TLL2: variants seen among roughly 807,000 people sequenced by gnomAD.
TLL2 encodes tolloid like 2, also known as tolloid-like protein 2.
In TLL2, 106 loss-of-function variants were observed where a neutral mutation model predicts 123.0. The ratio of observed to expected loss-of-function variants is 0.86; its 90% CI spans 0.74 to 1.01. The LOEUF (loss-of-function observed/expected upper bound fraction) is 1.01. Ranked by LOEUF, TLL2 falls within the 50% of genes least tolerant of loss-of-function variation. TLL2 has a pLI of 0.00. For missense variants in TLL2, 1,332 were observed against 1,336.7 expected (o/e 1.00, Z 0.06); for synonymous variants, 494 against 516.8 (o/e 0.96, Z 0.60).
intron 13 of TLL2, among the ~76,000 whole-genome samples, chr10:96,393,017 T>C (rs1439481178): frequency 6.6e-6 from 1 of 152,144 alleles, no homozygotes; most frequent in African/African-American, 2.4e-5. Flanking sequence ...GGCATGAGAA[T>C]GACACACTGG....
chr10:96,513,911 C>A lies in TLL2; in HGVS notation c.-226G>T, dbSNP rs1232113020. On this transcript the variant is annotated 5_prime_UTR_variant, in exon 1 of 21. Transcript: ENST00000357947. ...GCTACTTGCCCGGCGGCCGAGGCTG[C>A]GGCGGCTGCGAGTGTGGCGGTGGCG... 2 of 504,802 alleles carry A rather than the reference C, an allele frequency of 4.0e-6. No homozygotes were observed. Among genetic ancestry groups the A allele is most frequent in the South Asian group, 3.4e-5 (1 of 29,788 alleles). The allele number at this position is 504,802 out of a possible 1,614,324, so 31.3% of individuals were successfully genotyped here. A position where few individuals can be genotyped will look rare whatever the true frequency, so the allele number is the denominator to read the frequency against.
At chr10:96,489,786 T>C (rs1037657151) in intron 1 of TLL2, among the ~76,000 whole-genome samples, 4 of 152,084 alleles carry the variant, frequency 2.6e-5, no homozygotes, top group Non-Finnish European at 5.9e-5. Context: ...TAAAATAATG[T>C]AAAAATTCTA....
At chr10:96,414,926 T>C (rs1846539428) in intron 7 of TLL2, among the ~76,000 whole-genome samples, 1 of 152,070 alleles carries the variant, frequency 6.6e-6, no homozygotes, top group African/African-American at 2.4e-5. Flanking sequence ...ACCATTGCCA[T>C]AGCTCAAGTG....
chr10:96,476,240 A>ATATTTTTTTTTTT, intron 2 of TLL2, among the ~76,000 whole-genome samples: 4 of 20,484 alleles, frequency 2.0e-4, no homozygotes, highest in South Asian at 1.7e-3. Context: ...ATATATATAT[A>ATATTTTTTTTTTT]TTTTATTTTT....
At chr10:96,389,148 C>T (rs912495933) in intron 13 of TLL2, among the ~76,000 whole-genome samples, 2 of 152,102 alleles carry the variant, frequency 1.3e-5, no homozygotes, top group Admixed American at 6.5e-5. Context: ...GTGAGTCAGA[C>T]CTGGGGTGGA....
At chr10:96,408,869 A>G (rs1016961418) in intron 9 of TLL2, among the ~76,000 whole-genome samples, 1 of 152,208 alleles carries the variant, frequency 6.6e-6, no homozygotes, top group Admixed American at 6.5e-5. Flanking sequence ...ACAAACTTAG[A>G]AGCCTTGGGC....
chr10:96,474,842 A>T (rs1847221724), intron 2 of TLL2, among the ~76,000 whole-genome samples: 1 of 152,086 alleles, frequency 6.6e-6, no homozygotes, highest in Non-Finnish European at 1.5e-5. Flanking sequence ...CTAGGGGAGA[A>T]TCCACCTTTG....
In TLL2 at chr10:96,373,633, T is replaced by C; in HGVS notation, c.2625A>G (p.Ser875=). The change falls in exon 19 of 21, where the codon TCA becomes TCG. Residue 875 remains serine, a synonymous_variant. Transcript: ENST00000357947. ...CTGCCTGGAAGCCTTTCCTCTGCAC[T>C]GAGGCATCCGAATAAAACCTGAGAA... ...SMFLRFYSDA[S]VQRKGFQAVH... 3.1e-6 allele frequency: 5 copies of C among 1,614,266 alleles called. No homozygotes were observed. The highest frequency in any genetic ancestry group is 4.2e-6 in the Non-Finnish European group (5 of 1,180,048).
At position 96,376,768 on chromosome 10, in the gene TLL2, T is replaced by G; in HGVS notation, c.2372A>C (p.Asn791Thr). 1 of 1,597,110 alleles carries G rather than the reference T, an allele frequency of 6.3e-7. No individual in the cohort carries two copies. Among genetic ancestry groups the G allele is most frequent in the Non-Finnish European group, 8.5e-7 (1 of 1,172,928 alleles). The change falls in exon 18 of 21, where the codon AAC becomes ACC. Residue 791 changes from asparagine (N) to threonine (T), a missense_variant. Transcript: ENST00000357947. ...CCGGCTGGGGTATTTGTCAGGCCAG[T>G]TGGGGCTCGCCAGGGTCCCCTCCAC... ...SSVEGTLASP[N>T]WPDKYPSRRE...
At chr10:96,414,542 C>T (rs1262454287) in intron 7 of TLL2, among the ~76,000 whole-genome samples, 1 of 151,918 alleles carries the variant, frequency 6.6e-6, no homozygotes, top group African/African-American at 2.4e-5. Context: ...AGTGATGCCC[C>T]TTGGGTTTCT....
chr10:96,385,946 A>G, intron 15 of TLL2, 109 bp downstream of exon 15: 1 of 1,221,402 alleles, frequency 8.2e-7, no homozygotes. Flanking sequence ...GACTGTCCAA[A>G]GCTTCAGTCA....
rs76896493 is a variant in TLL2 at position 96,428,393 on chromosome 10, T to C, written c.638+238A>G. 2.0e-4 allele frequency among the ~76,000 whole-genome samples: 30 copies of C among 152,310 alleles called. 1 individual carries two copies. Among genetic ancestry groups the C allele is most frequent in the African/African-American group, 7.2e-4 (30 of 41,568 alleles). ...CTTCACATGACACACCACCAGTTCC[T>C]TCTGTTGCTCTTCTAGTGCCAGTAC... On this transcript the variant is annotated intron_variant, in intron 5 of 20. Transcript: ENST00000357947.
At chr10:96,470,394 A>T (rs963864012) in intron 2 of TLL2, among the ~76,000 whole-genome samples, 4 of 152,214 alleles carry the variant, frequency 2.6e-5, no homozygotes, top group Non-Finnish European at 5.9e-5. Context: ...TTTGTCTGAC[A>T]CCACTGATGT....
chr10:96,480,700 G>A (rs55648508), intron 1 of TLL2, among the ~76,000 whole-genome samples: 1 of 152,156 alleles, frequency 6.6e-6, no homozygotes, highest in Non-Finnish European at 1.5e-5. Flanking sequence ...AAGTCTGTAA[G>A]GTATTTTGAA....
At chr10:96,383,922 C>T (rs1306166076) in intron 16 of TLL2, among the ~76,000 whole-genome samples, 4 of 152,100 alleles carry the variant, frequency 2.6e-5, no homozygotes, top group Admixed American at 6.5e-5. Context: ...TGAGCCACCA[C>T]GCCCGGCCTA....
rs768082023 is a variant in TLL2 at position 96,384,599 on chromosome 10, G to A, written c.2182C>T (p.His728Tyr). Residue 728 changes from histidine to tyrosine, a missense_variant, in exon 16 of 21, where the codon CAC becomes TAC. Coordinates refer to ENST00000357947, the MANE Select transcript of TLL2 (RefSeq NM_012465.4). ...NTVSKRGFRAHFFSDKDECAK... is the reference protein window; with the variant it reads ...NTVSKRGFRAYFFSDKDECAK... ...TGAACCCGCATACCTGAGAAGAAGT[G>A]GGCCCTGAAGCCGCGCTTGGAGACG... The A allele has an allele frequency of 6.3e-7, 1 of 1,593,392 alleles. No individual in the cohort carries two copies. The highest frequency in any genetic ancestry group is 2.3e-5 in the East Asian group (1 of 43,902).
chr10:96,498,065 T>A (rs545932489), intron 1 of TLL2, among the ~76,000 whole-genome samples: 109 of 152,316 alleles, frequency 7.2e-4, no homozygotes, highest in African/African-American at 2.6e-3. Context: ...TAATTTTACA[T>A]CTTATGTGCT....
chr10:96,389,925 C>T (rs1448884584), intron 13 of TLL2, among the ~76,000 whole-genome samples: 1 of 152,260 alleles, frequency 6.6e-6, no homozygotes, highest in African/African-American at 2.4e-5. Flanking sequence ...TGGCCAGTTA[C>T]AGCCCTGCTT....
chr10:96,489,330 C>T (rs1051427122), intron 1 of TLL2, among the ~76,000 whole-genome samples: 1 of 152,148 alleles, frequency 6.6e-6, no homozygotes, highest in Non-Finnish European at 1.5e-5. Context: ...AGTTTGAGAC[C>T]AGCCTGGGCA....
Sources: gnomAD v4.1 joint callset for allele counts (sites outside exome capture counted in the v4.1 genomes callset) on GRCh38, gnomAD v4.1.1 for gene constraint, MANE v1.5 for transcripts, NCBI Gene and HGNC (gene_info 2026-07-23, HGNC 2026-07-21) for gene names.